Variants in CACNA1C observed in about 807,000 individuals in gnomAD.
CACNA1C encodes the protein calcium voltage-gated channel subunit alpha1 C, also known as voltage-dependent L-type calcium channel subunit alpha-1C.
In CACNA1C, 30 loss-of-function variants were observed where a neutral mutation model predicts 229.0. The observed-to-expected ratio is 0.13, with a 90% CI of 0.10 to 0.18. The LOEUF (loss-of-function observed/expected upper bound fraction) is 0.18, where lower values mean the gene tolerates loss of function less well. CACNA1C is among the 10% of genes least tolerant of loss of function. The pLI is 1.00. For synonymous variants in CACNA1C, 1,114 were observed against 1,132.5 expected (o/e 0.98, Z 0.33); for missense variants, 1,658 against 2,845.0 (o/e 0.58, Z 9.49).
rs1357370541 is a variant in CACNA1C at position 2,602,665 on chromosome 12, T to C, written c.2960+705T>C. Among the ~76,000 whole-genome samples, 1 of 131,658 alleles carries C rather than the reference T, an allele frequency of 7.6e-6. No individual in the cohort carries two copies. Among genetic ancestry groups the C allele is most frequent in the East Asian group, 2.3e-4 (1 of 4,398 alleles). The allele number at this position is 131,658 out of a possible 152,430, so 86.4% of individuals were successfully genotyped here. On this transcript the variant is annotated intron_variant, in intron 22 of 46. Transcript: ENST00000399655. This position sits in a 1 kb window ranked among gnomAD's most constrained non-coding sequence, Gnocchi z 4.4. ...GTGTGTGTGTGTGTGTGTGTGTGTG[T>C]GTGTGAGTTTTTCATTTCACTGGTC... is the stretch of plus-strand genomic sequence containing the variant.
chr12:2,192,032 TCACA>T (rs200764919), intron 3 of CACNA1C, among the ~76,000 whole-genome samples: 25 of 148,130 alleles, frequency 1.7e-4, no homozygotes, highest in African/African-American at 4.7e-4. Flanking sequence ...ATACACGCAC[TCACA>T]CATACAGGCA....
chr12:2,057,145 C>T (rs188981693), intron 1 of CACNA1C, among the ~76,000 whole-genome samples: 27 of 152,312 alleles, frequency 1.8e-4, no homozygotes, highest in African/African-American at 6.5e-4. Flanking sequence ...ACCTAGGTCT[C>T]TTCAATTTGT....
chr12:2,352,286 G>A (rs2097223135), intron 3 of CACNA1C, among the ~76,000 whole-genome samples: 1 of 152,200 alleles, frequency 6.6e-6, no homozygotes, highest in African/African-American at 2.4e-5. Context: ...GCCTAAGGTT[G>A]TCAGAAGGTC....
Position 2,053,535 on chromosome 12 carries a change from C to A in CACNA1C, c.-28C>A. 1 of 1,575,512 alleles carries A rather than the reference C, an allele frequency of 6.3e-7. No homozygotes were observed. Among genetic ancestry groups the A allele is most frequent in the East Asian group, 2.3e-5 (1 of 42,792 alleles). On this transcript the variant is annotated 5_prime_UTR_variant, in exon 1 of 47. Coordinates refer to ENST00000399655, the MANE Select transcript of CACNA1C (RefSeq NM_000719.7). This position sits in a 1 kb window ranked among gnomAD's most constrained non-coding sequence, Gnocchi z 5.8. The stretch of plus-strand genomic sequence containing the variant: ...TCACATTTCTTCCTCTTCGTGGCTG[C>A]TCCTCCTATTAAAACCATTTTTGGT...
intron 30 of CACNA1C, among the ~76,000 whole-genome samples, chr12:2,641,943 G>C (rs1236887598): frequency 6.6e-6 from 1 of 152,164 alleles, no homozygotes; most frequent in Non-Finnish European, 1.5e-5. Flanking sequence ...TCCCCTGGGA[G>C]GAGGCCGAAT....
intron 4 of CACNA1C, among the ~76,000 whole-genome samples, chr12:2,450,322 A>T (rs7139014): frequency 1.1e-4 from 17 of 152,202 alleles, no homozygotes; most frequent in African/African-American, 4.1e-4. Flanking sequence ...TGGGAGGCCA[A>T]GGCGGGCGGA....
chr12:2,210,302 T>C (rs1051916779), intron 3 of CACNA1C, among the ~76,000 whole-genome samples: 6 of 152,186 alleles, frequency 3.9e-5, no homozygotes, highest in Admixed American at 3.9e-4. Flanking sequence ...TGATAGAAAA[T>C]ATGAACTCTT....
intron 1 of CACNA1C, chr12:2,004,817 A>G (rs1267270341): frequency 1.0e-5 from 2 of 199,006 alleles, no homozygotes; most frequent in South Asian, 1.0e-4. Context: ...TATCACAATA[A>G]ATAAGCCTCG....
At chr12:2,090,656 A>G (rs181770840) in intron 1 of CACNA1C, among the ~76,000 whole-genome samples, 203 of 152,314 alleles carry the variant, frequency 1.3e-3, no homozygotes, top group South Asian at 9.3e-3. Flanking sequence ...TCTTCTGTCA[A>G]TGGACATTTG....
At chr12:2,606,870 C>G (rs143162959) in intron 25 of CACNA1C, 114 bp from the exon 26 acceptor site, 1 of 1,257,564 alleles carries the variant, frequency 8.0e-7, no homozygotes, top group African/African-American at 1.5e-5. Flanking sequence ...ATGGCTAGAA[C>G]GGTGAAGTTC....
At chr12:2,421,320 A>G (rs1389866447) in intron 3 of CACNA1C, among the ~76,000 whole-genome samples, 3 of 152,242 alleles carry the variant, frequency 2.0e-5, no homozygotes, top group Non-Finnish European at 4.4e-5. Context: ...AGGAAAAGCA[A>G]GACTCAGTCA....
chr12:2,035,670 C>T (rs2049008777), intron 1 of CACNA1C, among the ~76,000 whole-genome samples: 1 of 152,234 alleles, frequency 6.6e-6, no homozygotes, highest in African/African-American at 2.4e-5. Flanking sequence ...TGTGCACCTG[C>T]AGCCAGGTGT....
At chr12:2,043,642 CTTTT>C (rs67625680) in intron 1 of CACNA1C, among the ~76,000 whole-genome samples, 5,141 of 91,058 alleles carry the variant, frequency 0.056, 80 homozygotes, top group Middle Eastern at 0.12. Context: ...ACAGAATATT[CTTTT>C]TTTTTTTTTT....
intron 3 of CACNA1C, among the ~76,000 whole-genome samples, chr12:2,272,983 G>T (rs184893189): frequency 2.7e-4 from 41 of 152,322 alleles, no homozygotes; most frequent in African/African-American, 9.6e-4. Context: ...AGGTCCCAGT[G>T]ATATCTTTGC....
Position 2,566,326 on chromosome 12 carries a change from A to T in CACNA1C, c.1509-96A>T. The T allele has an allele frequency of 1.7e-6, 2 of 1,165,810 alleles. No individual in the cohort carries two copies. The allele number at this position is 1,165,810 out of a possible 1,614,324, so 72.2% of individuals were successfully genotyped here. On this transcript the variant is annotated intron_variant, in intron 11 of 46. Coordinates refer to ENST00000399655, the MANE Select transcript of CACNA1C (RefSeq NM_000719.7). This position sits in a 1 kb window ranked among gnomAD's most constrained non-coding sequence, Gnocchi z 4.0. ...TGGGCTGCTCTAGCAAGGCCAGATC[A>T]GTGAGGGGCGAGAAGAGCCATGGTG...
chr12:2,648,332 G>A, intron 30 of CACNA1C, 143 bp from the exon 31 acceptor site: 2 of 758,622 alleles, frequency 2.6e-6, no homozygotes, highest in Admixed American at 2.0e-5. Flanking sequence ...GACCTGCCAG[G>A]CCTACGCTTT....
intron 3 of CACNA1C, among the ~76,000 whole-genome samples, chr12:2,229,148 T>G (rs1435610066): frequency 6.6e-6 from 1 of 152,194 alleles, no homozygotes; most frequent in Non-Finnish European, 1.5e-5. Context: ...GAGCTTTGTC[T>G]TTTCCTTGCT....
chr12:2,378,452 C>A (rs987564190), intron 3 of CACNA1C, among the ~76,000 whole-genome samples: 2 of 152,196 alleles, frequency 1.3e-5, no homozygotes. Context: ...GTCTTCATTA[C>A]CCATGATTCC....
chr12:2,137,045 CAT>C (rs1457207887), intron 3 of CACNA1C, among the ~76,000 whole-genome samples: 15 of 151,438 alleles, frequency 9.9e-5, no homozygotes, highest in African/African-American at 3.4e-4. Flanking sequence ...CAGAGCATAA[CAT>C]GTGGGGGACC....
Sources: allele counts gnomAD v4.1 joint callset (sites outside exome capture counted in the v4.1 genomes callset), GRCh38; gene constraint gnomAD v4.1.1; non-coding constraint Gnocchi (gnomAD v3.1); transcripts MANE v1.5; gene names NCBI Gene and HGNC (gene_info 2026-07-23, HGNC 2026-07-21).